The following INPPL1 variants were observed in gnomAD, a reference collection of about 807,000 sequenced individuals.
The protein encoded by INPPL1 is inositol polyphosphate phosphatase like 1, also known as phosphatidylinositol 3,4,5-trisphosphate 5-phosphatase 2.
Under a neutral mutation model 139.3 loss-of-function variants are expected in INPPL1, and 91 were observed. That is an observed-to-expected ratio of 0.65 (90% CI 0.55 to 0.78). The LOEUF is 0.78. Ranked by LOEUF, INPPL1 falls within the 30% of genes least tolerant of loss-of-function variation. INPPL1 has a pLI of 0.00. For missense variants in INPPL1, 1,411 were observed against 1,665.6 expected, an observed-to-expected ratio of 0.85 and a Z score of 2.66; for synonymous variants, 719 against 686.6, an observed-to-expected ratio of 1.05 and a Z score of -0.74.
chr11:72,233,287 G>A lies in INPPL1; in HGVS notation c.2040+124G>A, dbSNP rs971186507. ...CCTCCATGGCCCCTCTGAGGCCTTT[G>A]GGTGATCCTGGGTATTTTGAGGATC... On this transcript the variant is annotated intron_variant, in intron 17 of 27. Transcript: ENST00000298229. 1.8e-5 allele frequency: 19 copies of A among 1,046,804 alleles called. No individual in the cohort carries two copies. The Admixed American group carries it at 4.0e-4, about 22-fold the overall frequency. 64.8% of individuals were successfully genotyped at this position (1,046,804 alleles called of 1,614,324 possible).
At position 72,230,473 on chromosome 11, in the gene INPPL1, G is replaced by A. The variant is rs761673319; in HGVS notation, c.1197+5G>A. On this transcript the variant is annotated splice_donor_5th_base_variant and intron_variant, in intron 10 of 27. Transcript: ENST00000298229. ...TTCATCTTTGTCAGTGCCCGGGTGA[G>A]CAGCAGGCTGGGCCAGGCCACTGGG... is the stretch of plus-strand genomic sequence containing the variant. The A allele has an allele frequency of 2.5e-6, 4 of 1,613,050 alleles. No homozygotes were observed. The highest frequency in any genetic ancestry group is 3.3e-5 in the Admixed American group (2 of 60,024).
At position 72,232,338 on chromosome 11, in the gene INPPL1, T is replaced by G. The variant is rs1591279081; in HGVS notation, c.1712+2T>G. ...CTCGGGAAATGAGAAGACGGCTCGG[T>G]GAGGGGGCGCCTTTCCCATGGTCTC... On this transcript the variant is annotated splice_donor_variant, in intron 14 of 27. Transcript: ENST00000298229. LOFTEE classifies it high-confidence loss of function. 1 of 1,551,192 alleles carries G rather than the reference T, an allele frequency of 6.4e-7. No individual in the cohort carries two copies. Among genetic ancestry groups the G allele is most frequent in the Non-Finnish European group, 8.7e-7 (1 of 1,146,554 alleles).
In INPPL1 at chr11:72,235,061, G is replaced by A; in HGVS notation, c.2416-55G>A. ...TGGTGTCAGGGGGCAGCGCGTAGGA[G>A]GGGCAGGAGGAAGTGGCGGGGCTTT... On this transcript the variant is annotated intron_variant, in intron 21 of 27. Coordinates refer to ENST00000298229, the MANE Select transcript of INPPL1 (RefSeq NM_001567.4). The surrounding 1 kb of genome is among the most constrained non-coding windows in gnomAD (Gnocchi z 4.9). 6.9e-7 allele frequency: 1 copy of A among 1,455,918 alleles called. No individual in the cohort carries two copies. The highest frequency in any genetic ancestry group is 1.4e-5 in the African/African-American group (1 of 71,832). The allele number at this position is 1,455,918 out of a possible 1,614,324, so 90.2% of individuals were successfully genotyped here.
At chr11:72,232,176 A>G in intron 13 of INPPL1, 64 bp from the exon 14 acceptor site, 1 of 1,295,202 alleles carries the variant, frequency 7.7e-7, no homozygotes, top group Admixed American at 2.0e-5. Flanking sequence ...TTTGAGAGGC[A>G]GAAGGGAGAG....
In INPPL1 at chr11:72,228,020, G is replaced by A; in HGVS notation, c.183-170G>A. The A allele has an allele frequency of 3.0e-6, 2 of 666,622 alleles. No individual in the cohort carries two copies. Among genetic ancestry groups the A allele is most frequent in the Middle Eastern group, 3.2e-4 (1 of 3,114 alleles). The allele number at this position is 666,622 out of a possible 1,614,324, so 41.3% of individuals were successfully genotyped here. ...CCTGCCCAATAGGCAACACCAGGAG[G>A]GTGGAAGTGGACCGGCCACATCATT... On this transcript the variant is annotated intron_variant, in intron 1 of 27. Coordinates refer to ENST00000298229, the MANE Select transcript of INPPL1 (RefSeq NM_001567.4). The surrounding 1 kb of genome is among the most constrained non-coding windows in gnomAD (Gnocchi z 5.0).
At chr11:72,227,601 G>A (rs1327372505) in intron 1 of INPPL1, among the ~76,000 whole-genome samples, 2 of 152,184 alleles carry the variant, frequency 1.3e-5, no homozygotes, top group Non-Finnish European at 2.9e-5. Flanking sequence ...GCTCCTGTCT[G>A]TCAGCACCCC....
chr11:72,237,609 C>T lies in INPPL1; in HGVS notation c.3365C>T (p.Ser1122Leu), dbSNP rs147991973. 1.6e-5 allele frequency: 25 copies of T among 1,603,876 alleles called. No individual in the cohort carries two copies. Among genetic ancestry groups the T allele is most frequent in the African/African-American group, 1.3e-4 (10 of 74,918 alleles). The change falls in exon 26 of 28, where the codon TCG becomes TTG. Residue 1122 changes from serine (S) to leucine (L), a missense_variant. Coordinates refer to ENST00000298229, the MANE Select transcript of INPPL1 (RefSeq NM_001567.4). ...EVASGDDRSCSVLQMAKTLSE... is the reference protein window; with the variant it reads ...EVASGDDRSCLVLQMAKTLSE... ...GCCAGTGGGGATGACCGGTCCTGCT[C>T]GGTGCTGCAGATGGCCAAGACGCTG...
upstream of INPPL1, chr11:72,223,587 G>A (rs1445326215): frequency 6.6e-6 from 1 of 152,126 alleles, no homozygotes; most frequent in East Asian, 1.9e-4. Flanking sequence ...TGTCACCTTC[G>A]TTTCTCCTTA....
chr11:72,229,681 G>T lies in INPPL1; in HGVS notation c.772G>T (p.Glu258Ter). 2 of 1,614,114 alleles carry T rather than the reference G, an allele frequency of 1.2e-6. No individual in the cohort carries two copies. The highest frequency in any genetic ancestry group is 1.7e-6 in the Non-Finnish European group (2 of 1,180,018). ...CCCCCAGAACCTGCCACAGACAGGGGAGCAGGAACTAGAGAGCCTGGTGCT... is the reference window on the plus strand; with the variant it reads ...CCCCCAGAACCTGCCACAGACAGGGTAGCAGGAACTAGAGAGCCTGGTGCT... ...LQQQNLPQTG[E>*]QELESLVLKL... is the part of the protein sequence containing the mutation. Residue 258 changes from glutamate (E) to a stop codon, truncating the protein, a stop_gained, in exon 7 of 28, where the codon GAG (glutamate) becomes TAG (stop). Transcript: ENST00000298229. LOFTEE classifies it high-confidence loss of function.
chr11:72,229,821 C>T (rs1948779923), intron 7 of INPPL1, 69 bp downstream of exon 7: 6 of 1,557,110 alleles, frequency 3.9e-6, no homozygotes, highest in Non-Finnish European at 5.3e-6. Flanking sequence ...CTGATCTCAA[C>T]CCTCAGTCTA....
Position 72,229,180 on chromosome 11 carries a change from C to T in INPPL1, c.609C>T (p.His203=). 14 of 1,613,776 alleles carry T rather than the reference C, an allele frequency of 8.7e-6. No individual in the cohort carries two copies. The highest frequency in any genetic ancestry group is 1.2e-5 in the Non-Finnish European group (14 of 1,179,904). The part of the protein sequence containing the change: ...DLEAVRGGAS[H]LPHLTRTLAT... Reference sequence around the variant, plus strand: ...AAGCTGTGAGGGGTGGAGCCAGCCACCTGCCCCACCTCACCCGTACCCTCG... The same window carrying T: ...AAGCTGTGAGGGGTGGAGCCAGCCATCTGCCCCACCTCACCCGTACCCTCG... Residue 203 remains histidine (H), a synonymous_variant, in exon 5 of 28, where the codon CAC becomes CAT. Transcript: ENST00000298229.
chr11:72,236,855 C>G (rs578241597), intron 25 of INPPL1, among the ~76,000 whole-genome samples: 4 of 152,280 alleles, frequency 2.6e-5, no homozygotes, highest in African/African-American at 9.6e-5. Context: ...ACCCATTTAG[C>G]TTGGGTTTCA....
chr11:72,228,271 T>G lies in INPPL1; in HGVS notation c.246+18T>G, dbSNP rs978297595. The G allele has an allele frequency of 6.2e-7, 1 of 1,614,104 alleles. No homozygotes were observed. Among genetic ancestry groups the G allele is most frequent in the Non-Finnish European group, 8.5e-7 (1 of 1,179,966 alleles). ...CTGTGCAGGTAGGAGCTTGGGCCCC[T>G]GACCCCTGACCTTGATCCAGCCTAG... On this transcript the variant is annotated intron_variant, in intron 2 of 27. Coordinates refer to ENST00000298229, the MANE Select transcript of INPPL1 (RefSeq NM_001567.4). This position sits in a 1 kb window ranked among gnomAD's most constrained non-coding sequence, Gnocchi z 5.0.
chr11:72,228,766 G>A lies in INPPL1; in HGVS notation c.437G>A (p.Gly146Asp). The change falls in exon 4 of 28, where the codon GGC becomes GAC. Residue 146 changes from glycine (G) to aspartate (D), a missense_variant. Gly to Asp is a moderately conservative substitution (Grantham distance 94). Coordinates refer to ENST00000298229, the MANE Select transcript of INPPL1 (RefSeq NM_001567.4). The surrounding 1 kb of genome is among the most constrained non-coding windows in gnomAD (Gnocchi z 5.0). ...DEKPPLPPRS[G>D]STSISAPTGP... ...AAGCCCCCGCTGCCCCCGCGCTCTGGCTCCACCAGCATTTCTGCCCCCACT... is the reference window on the plus strand; with the variant it reads ...AAGCCCCCGCTGCCCCCGCGCTCTGACTCCACCAGCATTTCTGCCCCCACT... 6.2e-7 allele frequency: 1 copy of A among 1,612,030 alleles called. No individual in the cohort carries two copies. The highest frequency in any genetic ancestry group is 8.5e-7 in the Non-Finnish European group (1 of 1,179,026).
upstream of INPPL1, among the ~76,000 whole-genome samples, chr11:72,224,246 G>A (rs746514828): frequency 6.0e-4 from 91 of 151,892 alleles, no homozygotes; most frequent in Non-Finnish European, 1.1e-3. Context: ...CCGGGGGACG[G>A]TTCCCGTGGA....
chr11:72,236,244 C>T (rs1482366466), intron 25 of INPPL1, among the ~76,000 whole-genome samples: 4 of 152,228 alleles, frequency 2.6e-5, no homozygotes, highest in Non-Finnish European at 4.4e-5. Context: ...TCTAAGACAG[C>T]TCCCTCCATG....
chr11:72,229,884 A>C, intron 7 of INPPL1, 40 bp from the exon 8 acceptor site: 1 of 1,596,436 alleles, frequency 6.3e-7, no homozygotes, highest in Non-Finnish European at 8.6e-7. Context: ...CCCAGCCTTC[A>C]GTGTGTCCCC....
At position 72,238,334 on chromosome 11, in the gene INPPL1, C is replaced by A. The variant is rs756631302; in HGVS notation, c.3758C>A (p.Thr1253Asn). The stretch of plus-strand genomic sequence containing the variant: ...GCTCACAAGCGCCTCCTTCTGGACA[C>A]CCTGCAGCTCAGCAAGTGATAGCGG... ...DPAHKRLLLDTLQLSK is the reference protein window; with the variant it reads ...DPAHKRLLLDNLQLSK The change falls in exon 28 of 28, where the codon ACC becomes AAC. Residue 1253 changes from threonine (T) to asparagine (N), a missense_variant. Thr to Asn is a moderately conservative substitution (Grantham distance 65, BLOSUM62 0). Coordinates refer to ENST00000298229, the MANE Select transcript of INPPL1 (RefSeq NM_001567.4). The A allele has an allele frequency of 1.3e-6, 2 of 1,565,564 alleles. No individual in the cohort carries two copies. Among genetic ancestry groups the A allele is most frequent in the Admixed American group, 3.9e-5 (2 of 51,246 alleles).
intron 26 of INPPL1, 21 bp downstream of exon 26, chr11:72,237,817 G>A (rs1210190758): frequency 6.3e-7 from 1 of 1,576,952 alleles, no homozygotes; most frequent in South Asian, 1.2e-5. Context: ...CAGGGTGGCT[G>A]TCTGTGTGTG....
Sources: gnomAD v4.1 joint callset for allele counts (sites outside exome capture counted in the v4.1 genomes callset) on GRCh38, gnomAD v4.1.1 for gene constraint, Gnocchi (gnomAD v3.1) non-coding constraint, MANE v1.5 for transcripts, NCBI Gene and HGNC (gene_info 2026-07-23, HGNC 2026-07-21) for gene names.